BRCC3: variants seen among roughly 807,000 people sequenced by gnomAD.
The protein encoded by BRCC3 is BRCA1/BRCA2-containing complex subunit 3.
A neutral mutation model predicts 28.0 loss-of-function variants in BRCC3; 15 were observed. That is an observed-to-expected ratio of 0.54 (90% CI 0.36 to 0.82). The LOEUF is 0.82. Among genes scored for constraint, BRCC3 ranks in the 40% least tolerant of loss-of-function variants. BRCC3 has a pLI of 0.01. For missense variants in BRCC3, 109 were observed against 225.9 expected, an observed-to-expected ratio of 0.48 and a Z score of 3.32; for synonymous variants, 66 against 80.3, an observed-to-expected ratio of 0.82 and a Z score of 0.95.
At chrX:155,116,307 AAGCTTTCT>A (rs1361204230) in intron 8 of BRCC3, 119 bp downstream of exon 8, 3 of 673,005 alleles carry the variant, frequency 4.5e-6, no homozygotes, top group Non-Finnish European at 6.4e-6. Context: ...CCTCTCTGGG[AAGCTTTCT>A]AGCAGTCTCC....
At chrX:155,073,964 C>T (rs781847808) in intron 3 of BRCC3, among the ~76,000 whole-genome samples, 1 of 111,587 alleles carries the variant, frequency 9.0e-6, no homozygotes, top group East Asian at 2.8e-4. Flanking sequence ...CAGTCTGTCA[C>T]AGACCGATGC....
chrX:155,119,973 T>C (rs1557299218), intron 9 of BRCC3, 26 bp from the exon 10 acceptor site: 2 of 1,186,253 alleles, frequency 1.7e-6, no homozygotes, highest in African/African-American at 3.5e-5. Flanking sequence ...CCACAATTAT[T>C]CTCATCTTTA....
rs1454322044 is a variant in BRCC3, at chrX:155,086,679, G to A, written c.404-2584G>A. Among the ~76,000 whole-genome samples, 4 of 111,734 alleles carry A rather than the reference G, an allele frequency of 3.6e-5. No homozygotes were observed. The Admixed American group carries it at 3.8e-4, about 11-fold the overall frequency. On this transcript the variant is annotated intron_variant, in intron 5 of 10. Coordinates refer to ENST00000330045, the MANE Select transcript of BRCC3 (RefSeq NM_001018055.3). ...TTGTAAGCTTCCTCAAAGCAGGACT[G>A]GGCAGTGGCCTATTCAAAGCACGCA...
chrX:155,097,544 C>G (rs2074218369), intron 7 of BRCC3, among the ~76,000 whole-genome samples: 1 of 111,746 alleles, frequency 8.9e-6, no homozygotes, highest in Non-Finnish European at 1.9e-5. Flanking sequence ...TTCAGCAATC[C>G]TATTTCCAGG....
intron 3 of BRCC3, among the ~76,000 whole-genome samples, chrX:155,074,577 G>T (rs2074015233): frequency 9.0e-6 from 1 of 111,297 alleles, no homozygotes; most frequent in African/African-American, 3.3e-5. Flanking sequence ...TTCCTCTTAG[G>T]CACTGAAATC....
chrX:155,099,206 T>A, intron 7 of BRCC3: 3 of 736,113 alleles, frequency 4.1e-6, no homozygotes, highest in Non-Finnish European at 3.5e-6. Context: ...TTTTTTGTGG[T>A]AAAAGAAGTC....
In BRCC3 at chrX:155,075,303, C is replaced by CT. The variant is rs2074027683; in HGVS notation, c.196-1865dup. ...AAGCCCACTCTTTCCCCTGGCCCTT[C>CT]TTGTTCTTCCCCACACTAAATGTGG... On this transcript the variant is annotated intron_variant, in intron 3 of 10. Coordinates refer to ENST00000330045, the MANE Select transcript of BRCC3 (RefSeq NM_001018055.3). 6.0e-5 allele frequency among the ~76,000 whole-genome samples: 3 copies of CT among 50,387 alleles called. No individual in the cohort carries two copies. The African/African-American group carries it at 1.7e-3, about 29-fold the overall frequency. 43.8% of individuals were successfully genotyped at this position (50,387 alleles called of 115,157 possible).
At chrX:155,102,261 A>T (rs1433598218) in intron 7 of BRCC3, among the ~76,000 whole-genome samples, 1 of 111,792 alleles carries the variant, frequency 8.9e-6, no homozygotes, top group African/African-American at 3.3e-5. Context: ...GTCTTTAATT[A>T]TCTCAGTAAT....
At chrX:155,120,660 T>C (rs981363130) in intron 10 of BRCC3, among the ~76,000 whole-genome samples, 3 of 111,205 alleles carry the variant, frequency 2.7e-5, no homozygotes, top group Non-Finnish European at 3.8e-5. Context: ...TTCTAAAATA[T>C]ATGTTCTGAG....
intron 7 of BRCC3, among the ~76,000 whole-genome samples, chrX:155,113,937 A>G (rs1212318710): frequency 7.2e-5 from 8 of 111,878 alleles, no homozygotes; most frequent in African/African-American, 2.6e-4. Flanking sequence ...CACACCCATT[A>G]TGACAGCTAC....
chrX:155,087,066 G>C (rs782690784), intron 5 of BRCC3, among the ~76,000 whole-genome samples: 7 of 111,877 alleles, frequency 6.3e-5, no homozygotes, highest in African/African-American at 2.3e-4. Context: ...GCAAGGGCGA[G>C]AGGTGCAGGG....
chrX:155,079,324 C>T (rs1384190128), intron 5 of BRCC3, among the ~76,000 whole-genome samples: 1 of 111,780 alleles, frequency 8.9e-6, no homozygotes, highest in Non-Finnish European at 1.9e-5. Context: ...CAAAGACTCA[C>T]ATGAATTAAG....
chrX:155,090,467 G>A (rs1394305363), intron 6 of BRCC3, among the ~76,000 whole-genome samples: 3 of 111,791 alleles, frequency 2.7e-5, no homozygotes, highest in African/African-American at 6.5e-5. Flanking sequence ...GTCATCATGC[G>A]TTTATTTATT....
At chrX:155,099,264 C>T in intron 7 of BRCC3, 1 of 1,186,972 alleles carries the variant, frequency 8.4e-7, no homozygotes, top group African/African-American at 1.8e-5. Context: ...ATCAGGGACC[C>T]AGACTCCTCT....
chrX:155,100,330 A>G (rs1431361961), intron 7 of BRCC3, among the ~76,000 whole-genome samples: 1 of 112,260 alleles, frequency 8.9e-6, no homozygotes, highest in Non-Finnish European at 1.9e-5. Flanking sequence ...GATAGTATTC[A>G]AATGTCATCA....
chrX:155,110,318 T>C (rs1441982939), intron 7 of BRCC3, among the ~76,000 whole-genome samples: 1 of 111,473 alleles, frequency 9.0e-6, no homozygotes, highest in East Asian at 2.8e-4. Flanking sequence ...TGTAACAGAT[T>C]AGCAATGTCA....
chrX:155,097,921 G>T (rs782642888), intron 7 of BRCC3, among the ~76,000 whole-genome samples: 1 of 111,513 alleles, frequency 9.0e-6, no homozygotes, highest in South Asian at 3.8e-4. Flanking sequence ...GCGTGAACCC[G>T]GGAGGCGGAG....
chrX:155,086,250 C>G (rs904092803), intron 5 of BRCC3, among the ~76,000 whole-genome samples: 4 of 111,617 alleles, frequency 3.6e-5, no homozygotes, highest in Non-Finnish European at 7.5e-5. Context: ...GAAGGCATGT[C>G]CGAGAGAAAG....
intron 1 of BRCC3, among the ~76,000 whole-genome samples, chrX:155,072,054 G>C (rs2073988102): frequency 8.9e-6 from 1 of 112,071 alleles, no homozygotes; most frequent in African/African-American, 3.2e-5. Context: ...TCTGTCTAGG[G>C]AGCAGAGATA....
Sources: allele counts gnomAD v4.1 joint callset (sites outside exome capture counted in the v4.1 genomes callset), GRCh38; gene constraint gnomAD v4.1.1; transcripts MANE v1.5; gene names NCBI Gene and HGNC (gene_info 2026-07-23, HGNC 2026-07-21).